The following NRXN3 variants were observed in gnomAD, a reference collection of about 807,000 sequenced individuals.
NRXN3 encodes neurexin III.
In NRXN3, 32 loss-of-function variants were observed where a neutral mutation model predicts 137.6. The observed-to-expected ratio is 0.23, with a 90% CI of 0.18 to 0.31. The LOEUF (loss-of-function observed/expected upper bound fraction) is 0.31, where lower values mean the gene tolerates loss of function less well. NRXN3 is among the 10% of genes least tolerant of loss of function. The pLI is 1.00. For synonymous variants in NRXN3, 798 were observed against 784.5 expected, an observed-to-expected ratio of 1.02 and a Z score of -0.29; for missense variants, 1,574 against 2,062.5, an observed-to-expected ratio of 0.76 and a Z score of 4.59.
intron 15 of NRXN3, among the ~76,000 whole-genome samples, chr14:79,403,853 C>T (rs573394577): frequency 7.2e-5 from 11 of 152,172 alleles, no homozygotes; most frequent in South Asian, 4.2e-4. Flanking sequence ...AAGCTTGACA[C>T]GATGGAGCAA....
intron 16 of NRXN3, chr14:79,570,461 A>G (rs2097588533): frequency 6.6e-6 from 1 of 151,880 alleles, no homozygotes; most frequent in African/African-American, 2.4e-5. Context: ...TCCCCTTTTC[A>G]CTTCTATCCC....
chr14:79,754,238 A>G (rs1408814639), intron 19 of NRXN3, among the ~76,000 whole-genome samples: 1 of 151,980 alleles, frequency 6.6e-6, no homozygotes, highest in African/African-American at 2.4e-5. Flanking sequence ...GCTGCTCGGG[A>G]GGCTGAGGCA....
At chr14:79,337,450 C>T (rs966895653) in intron 15 of NRXN3, among the ~76,000 whole-genome samples, 2 of 152,138 alleles carry the variant, frequency 1.3e-5, no homozygotes, top group Admixed American at 1.3e-4. Flanking sequence ...GCTGGTATAT[C>T]TAATGATGAC....
chr14:78,747,373 C>T (rs2098614319), intron 8 of NRXN3, among the ~76,000 whole-genome samples: 1 of 152,182 alleles, frequency 6.6e-6, no homozygotes, highest in Admixed American at 6.5e-5. Flanking sequence ...CTTTGCCCTT[C>T]CTATTTTCTC....
At chr14:78,603,857 T>A (rs2097222156) in intron 4 of NRXN3, among the ~76,000 whole-genome samples, 1 of 152,162 alleles carries the variant, frequency 6.6e-6, no homozygotes, top group Non-Finnish European at 1.5e-5. Flanking sequence ...GCACCGACAG[T>A]CACAGTTATG....
intron 19 of NRXN3, among the ~76,000 whole-genome samples, chr14:79,750,369 A>G (rs1030822692): frequency 6.6e-6 from 1 of 152,196 alleles, no homozygotes; most frequent in African/African-American, 2.4e-5. Flanking sequence ...TATGTGCTCA[A>G]CTATGTCCTT....
Position 79,009,588 on chromosome 14 carries a change from C to G in NRXN3, c.3262+21447C>G, listed in dbSNP as rs558866490. ...CCAGAATATACAGAGCAAGGATCATCCATCATAATCAGACAGGGGTATTTC... is the reference window on the plus strand; with the variant it reads ...CCAGAATATACAGAGCAAGGATCATGCATCATAATCAGACAGGGGTATTTC... On this transcript the variant is annotated intron_variant, in intron 15 of 20. Coordinates refer to ENST00000335750, the MANE Select transcript of NRXN3 (RefSeq NM_001330195.2). 1.8e-3 allele frequency among the ~76,000 whole-genome samples: 269 copies of G among 152,252 alleles called. 1 individual carries two copies. The highest frequency in any genetic ancestry group is 2.7e-3 in the Non-Finnish European group (186 of 68,018).
intron 15 of NRXN3, among the ~76,000 whole-genome samples, chr14:79,223,943 C>CA (rs139207261): frequency 0.028 from 4,191 of 151,780 alleles, 138 homozygotes; most frequent in South Asian, 0.086. Flanking sequence ...CTATGTATGA[C>CA]GGGGAGGAGG....
At chr14:78,296,495 T>G (rs887537941) in intron 3 of NRXN3, among the ~76,000 whole-genome samples, 2 of 152,174 alleles carry the variant, frequency 1.3e-5, no homozygotes, top group African/African-American at 4.8e-5. Context: ...TCCTCTCTTC[T>G]TACTATACCC....
intron 6 of NRXN3, among the ~76,000 whole-genome samples, chr14:78,668,465 G>A (rs139490287): frequency 6.6e-6 from 1 of 152,150 alleles, no homozygotes; most frequent in South Asian, 2.1e-4. Context: ...AGAAATATTT[G>A]ACAATATCTG....
intron 16 of NRXN3, among the ~76,000 whole-genome samples, chr14:79,472,933 A>G (rs2096527575): frequency 6.6e-6 from 1 of 152,322 alleles, no homozygotes; most frequent in East Asian, 1.9e-4. Flanking sequence ...CCCTTTATGT[A>G]GTTAATGCTG....
Position 79,692,768 on chromosome 14 carries a change from A to AT in NRXN3, c.3706+515dup, listed in dbSNP as rs542816304. ...ACTACTTAAATATTGTAAGGGGAGCATTTTTTTTTAACATTTGTTCTTAAA... is the reference window on the plus strand; with the variant it reads ...ACTACTTAAATATTGTAAGGGGAGCATTTTTTTTTTAACATTTGTTCTTAAA... On this transcript the variant is annotated intron_variant, in intron 18 of 20. Coordinates refer to ENST00000335750, the MANE Select transcript of NRXN3 (RefSeq NM_001330195.2). 9.2e-3 allele frequency among the ~76,000 whole-genome samples: 1,392 copies of AT among 151,192 alleles called. 21 individuals are homozygous for AT. Among genetic ancestry groups the AT allele is most frequent in the Middle Eastern group, 0.027 (8 of 294 alleles).
chr14:79,005,579 A>C (rs895201093), intron 15 of NRXN3, among the ~76,000 whole-genome samples: 1 of 152,192 alleles, frequency 6.6e-6, no homozygotes, highest in Non-Finnish European at 1.5e-5. Context: ...ACTTTTCTCC[A>C]AACATAACAT....
At chr14:78,549,036 A>G (rs914713420) in intron 4 of NRXN3, among the ~76,000 whole-genome samples, 3 of 152,238 alleles carry the variant, frequency 2.0e-5, no homozygotes, top group Non-Finnish European at 4.4e-5. Context: ...TACATTGTTC[A>G]GCTTCCTCTT....
At chr14:79,491,667 G>T (rs1235430046) in intron 16 of NRXN3, among the ~76,000 whole-genome samples, 2 of 152,100 alleles carry the variant, frequency 1.3e-5, no homozygotes, top group African/African-American at 4.8e-5. Context: ...GTGTGTGTGT[G>T]TGTGAGAGAA....
intron 15 of NRXN3, among the ~76,000 whole-genome samples, chr14:79,053,898 A>C (rs1380858895): frequency 1.3e-5 from 2 of 152,110 alleles, no homozygotes; most frequent in Admixed American, 1.3e-4. Flanking sequence ...AAGTCATGAA[A>C]AGATTTTAAG....
intron 17 of NRXN3, among the ~76,000 whole-genome samples, chr14:79,689,956 C>T (rs892727565): frequency 1.3e-5 from 2 of 152,146 alleles, no homozygotes; most frequent in Non-Finnish European, 2.9e-5. Context: ...TAGCTTTATA[C>T]TTGCTATCGA....
chr14:79,696,114 C>T (rs933693263), intron 18 of NRXN3, among the ~76,000 whole-genome samples: 2 of 151,916 alleles, frequency 1.3e-5, no homozygotes, highest in African/African-American at 2.4e-5. Context: ...CTGCCACTTC[C>T]ATTTCTTTCA....
At chr14:78,987,008 C>T (rs1030933608) in intron 14 of NRXN3, among the ~76,000 whole-genome samples, 3 of 113,878 alleles carry the variant, frequency 2.6e-5, no homozygotes, top group African/African-American at 3.6e-5. Flanking sequence ...AGCAACAGAG[C>T]GAGACTGTCT....
Sources: allele counts gnomAD v4.1 joint callset (sites outside exome capture counted in the v4.1 genomes callset), GRCh38; gene constraint gnomAD v4.1.1; transcripts MANE v1.5; gene names NCBI Gene and HGNC (gene_info 2026-07-23, HGNC 2026-07-21).